PLAGL1: variants seen among roughly 807,000 people sequenced by gnomAD.
The protein encoded by PLAGL1 is PLAG1 like zinc finger 1.
A neutral mutation model predicts 4.6 loss-of-function variants in PLAGL1; 1 was observed. The ratio of observed to expected loss-of-function variants is 0.22; its 90% CI spans 0.08 to 1.03. The LOEUF (loss-of-function observed/expected upper bound fraction) is 1.03. Among genes scored for constraint, PLAGL1 ranks in the 50% least tolerant of loss-of-function variants. The probability of loss-of-function intolerance (pLI) is 0.58; values close to 1 mark genes in which losing one functional copy is unlikely to be tolerated. For missense variants in PLAGL1, 464 were observed against 570.4 expected, an observed-to-expected ratio of 0.81 and a Z score of 1.90; for synonymous variants, 240 against 237.8, an observed-to-expected ratio of 1.01 and a Z score of -0.08.
At position 143,940,329 on chromosome 6, in the gene PLAGL1, A is replaced by G. The variant is rs1778320917; in HGVS notation, c.*1095T>C. The G allele has an allele frequency of 6.6e-6, 1 of 152,232 alleles. No individual in the cohort carries two copies. The highest frequency in any genetic ancestry group is 2.4e-5 in the African/African-American group (1 of 41,458). The allele number at this position is 152,232 out of a possible 1,614,324, so 9.4% of individuals were successfully genotyped here. On this transcript the variant is annotated 3_prime_UTR_variant, in exon 8 of 8. Transcript: ENST00000674357. ...AAGATTTGAAAAGTTTATTATATGT[A>G]AGATATATGTTTACGGAAAAGCCTC... is the stretch of plus-strand genomic sequence containing the variant.
intron 1 of PLAGL1, among the ~76,000 whole-genome samples, chr6:143,992,371 G>T (rs142225392): frequency 6.6e-6 from 1 of 152,162 alleles, no homozygotes; most frequent in African/African-American, 2.4e-5. Flanking sequence ...GTCCACAGTG[G>T]ATGTTTATTG....
In PLAGL1 at chr6:143,990,366, G is replaced by C. The variant is rs901920535; in HGVS notation, c.-583-5192C>G. On this transcript the variant is annotated intron_variant, in intron 1 of 7. Transcript: ENST00000674357. This position sits in a 1 kb window ranked among gnomAD's most constrained non-coding sequence, Gnocchi z 5.4. ...CATCCCCTGACCTCGGGATCCGCCC[G>C]CCTTGGCCTCCCAAAGTGCAGGGAT... is the stretch of plus-strand genomic sequence containing the variant. 6.6e-6 allele frequency among the ~76,000 whole-genome samples: 1 copy of C among 152,106 alleles called. No homozygotes were observed. The highest frequency in any genetic ancestry group is 1.5e-5 in the Non-Finnish European group (1 of 68,010).
At position 144,005,956 on chromosome 6, in the gene PLAGL1, T is replaced by G. The variant is rs1021989886; in HGVS notation, c.-584+2134A>C. The stretch of plus-strand genomic sequence containing the variant: ...TATATACTTTTTAGTATTTCGTTTT[T>G]CATAACAAAATTTGATTTTAGCTAA... On this transcript the variant is annotated intron_variant, in intron 1 of 7. Transcript: ENST00000674357. This position sits in a 1 kb window ranked among gnomAD's most constrained non-coding sequence, Gnocchi z 4.6. The G allele has an allele frequency of 2.0e-5, 3 of 152,134 alleles. No homozygotes were observed. The highest frequency in any genetic ancestry group is 1.3e-4 in the Admixed American group (2 of 15,268). 9.4% of individuals were successfully genotyped at this position (152,134 alleles called of 1,614,324 possible).
rs1030945607 is a variant in PLAGL1, at chr6:143,965,998, T to C, written c.-431+160A>G. 2.0e-5 allele frequency: 3 copies of C among 152,174 alleles called. No individual in the cohort carries two copies. The highest frequency in any genetic ancestry group is 7.2e-5 in the African/African-American group (3 of 41,428). 9.4% of individuals were successfully genotyped at this position (152,174 alleles called of 1,614,324 possible). A position where few individuals can be genotyped will look rare whatever the true frequency, so the allele number is the denominator to read the frequency against. ...GCTTCCTTTAAACAAACCACAAGCT[T>C]AGTGAGTCAGTTAGGTCAGTGTAGA... is the stretch of plus-strand genomic sequence containing the variant. On this transcript the variant is annotated intron_variant, in intron 4 of 7. Transcript: ENST00000674357. The surrounding 1 kb of genome is among the most constrained non-coding windows in gnomAD (Gnocchi z 7.5).
At chr6:144,017,197 G>A (rs1214983373) in intron 1 of PLAGL1, among the ~76,000 whole-genome samples, 2 of 152,120 alleles carry the variant, frequency 1.3e-5, no homozygotes, top group Admixed American at 1.3e-4. Flanking sequence ...GTATACATAT[G>A]TAGTTTTTTT....
rs1799019056 is a variant in PLAGL1 at position 144,056,972 on chromosome 6, T to C, written c.-151+7496A>G. Among the ~76,000 whole-genome samples, 2 of 152,248 alleles carry C rather than the reference T, an allele frequency of 1.3e-5. No homozygotes were observed. Among genetic ancestry groups the C allele is most frequent in the Admixed American group, 1.3e-4 (2 of 15,284 alleles). Reference sequence around the variant, plus strand: ...CTCATTTCTTTTTAGTGCTAAATAATGTCCCATTGGCTGGATGAACCACAG... The same window carrying C: ...CTCATTTCTTTTTAGTGCTAAATAACGTCCCATTGGCTGGATGAACCACAG... On this transcript the variant is annotated intron_variant, in intron 1 of 3. Transcript: ENST00000437412. The surrounding 1 kb of genome is among the most constrained non-coding windows in gnomAD (Gnocchi z 4.7).
At position 143,995,659 on chromosome 6, in the gene PLAGL1, T is replaced by C. The variant is rs1398164008; in HGVS notation, c.-583-10485A>G. On this transcript the variant is annotated intron_variant, in intron 1 of 7. Coordinates refer to ENST00000674357, the MANE Select transcript of PLAGL1 (RefSeq NM_001317162.2). This position sits in a 1 kb window ranked among gnomAD's most constrained non-coding sequence, Gnocchi z 4.4. ...TTAAAATTCAAACACTATTATGATATATATGCTTATATAAAATGTTTCAAA... is the reference window on the plus strand; with the variant it reads ...TTAAAATTCAAACACTATTATGATACATATGCTTATATAAAATGTTTCAAA... Among the ~76,000 whole-genome samples the C allele has an allele frequency of 6.6e-6, 1 of 152,196 alleles. No individual in the cohort carries two copies. Among genetic ancestry groups the C allele is most frequent in the South Asian group, 2.1e-4 (1 of 4,832 alleles).
At chr6:143,986,833 C>T (rs528877834) in intron 1 of PLAGL1, among the ~76,000 whole-genome samples, 2 of 152,078 alleles carry the variant, frequency 1.3e-5, no homozygotes, top group Non-Finnish European at 2.9e-5. Context: ...AATACCCTGG[C>T]GAGGCTTTCT....
intron 1 of PLAGL1, among the ~76,000 whole-genome samples, chr6:144,029,544 TAA>T (rs1156839035): frequency 2.0e-5 from 3 of 152,232 alleles, no homozygotes; most frequent in African/African-American, 7.2e-5. Flanking sequence ...TTAAGTCTAT[TAA>T]AAGATACTCC....
At chr6:144,012,783 T>C (rs1202919880), upstream of PLAGL1, among the ~76,000 whole-genome samples, 1 of 152,178 alleles carries the variant, frequency 6.6e-6, no homozygotes, top group Non-Finnish European at 1.5e-5. This position sits in a 1 kb window ranked among gnomAD's most constrained non-coding sequence, Gnocchi z 4.8. Context: ...CTAGCAAAGC[T>C]TCTGGAGCAG....
rs1345913956 is a variant in PLAGL1, at chr6:144,006,455, A to G, written c.-584+1635T>C. On this transcript the variant is annotated intron_variant, in intron 1 of 7. Transcript: ENST00000674357. This position sits in a 1 kb window ranked among gnomAD's most constrained non-coding sequence, Gnocchi z 4.3. ...CTCTCCTCCCCACTAGGAGATGACC[A>G]TTAGCTTGACTTTTTTTCTTTACTA... The G allele has an allele frequency of 6.6e-6, 1 of 152,194 alleles. No individual in the cohort carries two copies. The highest frequency in any genetic ancestry group is 1.5e-5 in the Non-Finnish European group (1 of 68,068). The allele number at this position is 152,194 out of a possible 1,614,324, so 9.4% of individuals were successfully genotyped here.
rs1441121040 is a variant in PLAGL1 at position 143,953,385 on chromosome 6, ACTTT to A, written c.-324-4929_-324-4926del. Among the ~76,000 whole-genome samples the A allele has an allele frequency of 1.3e-5, 2 of 152,246 alleles. No individual in the cohort carries two copies. Among genetic ancestry groups the A allele is most frequent in the Non-Finnish European group, 2.9e-5 (2 of 68,044 alleles). ...TTGTTAACCCAGTGACTAAGCTCTTACTTTCTAAGAAATGAGGCTTAAGATAAAC... is the reference window on the plus strand; with the variant it reads ...TTGTTAACCCAGTGACTAAGCTCTTACTAAGAAATGAGGCTTAAGATAAAC... On this transcript the variant is annotated intron_variant, in intron 6 of 7. Coordinates refer to ENST00000674357, the MANE Select transcript of PLAGL1 (RefSeq NM_001317162.2). The surrounding 1 kb of genome is among the most constrained non-coding windows in gnomAD (Gnocchi z 5.3).
chr6:143,977,351 T>C (rs1786824843), intron 2 of PLAGL1, among the ~76,000 whole-genome samples: 1 of 152,148 alleles, frequency 6.6e-6, no homozygotes, highest in Non-Finnish European at 1.5e-5. Flanking sequence ...AATTATATAG[T>C]ATGCAGCCTT....
chr6:144,021,531 G>T (rs974614618), intron 1 of PLAGL1, among the ~76,000 whole-genome samples: 1 of 152,128 alleles, frequency 6.6e-6, no homozygotes, highest in Non-Finnish European at 1.5e-5. Context: ...ATAACTACAT[G>T]GAGGAAGGAT....
intron 6 of PLAGL1, among the ~76,000 whole-genome samples, chr6:143,951,624 A>G (rs530296036): frequency 1.3e-5 from 2 of 152,394 alleles, no homozygotes; most frequent in Admixed American, 1.3e-4. Flanking sequence ...AAAGGCCAGC[A>G]GTCATGGACA....
Position 143,941,763 on chromosome 6 carries a change from C to G in PLAGL1, c.1053G>C (p.Leu351=). Residue 351 remains leucine, a synonymous_variant, in exon 8 of 8, where the codon CTG becomes CTC. Coordinates refer to ENST00000674357, the MANE Select transcript of PLAGL1 (RefSeq NM_001317162.2). The surrounding 1 kb of genome is among the most constrained non-coding windows in gnomAD (Gnocchi z 6.0). ...SPQKLNPGFD[L]AKGNAGKVNL... ...TTACTTTACCAGCATTTCCCTTAGC[C>G]AGATCAAAACCTGGGTTGAGCTTTT... 1 of 1,614,246 alleles carries G rather than the reference C, an allele frequency of 6.2e-7. No individual in the cohort carries two copies. Among genetic ancestry groups the G allele is most frequent in the South Asian group, 1.1e-5 (1 of 91,092 alleles).
Position 143,957,264 on chromosome 6 carries a change from G to C in PLAGL1, c.-325+3205C>G, listed in dbSNP as rs1428748486. ...GAGATGGGACTGCCTTGTTTGAAGAGGACTATTTATGAATGAAGACTCTCA... is the reference window on the plus strand; with the variant it reads ...GAGATGGGACTGCCTTGTTTGAAGACGACTATTTATGAATGAAGACTCTCA... On this transcript the variant is annotated intron_variant, in intron 6 of 7. Transcript: ENST00000674357. The surrounding 1 kb of genome is among the most constrained non-coding windows in gnomAD (Gnocchi z 4.2). Among the ~76,000 whole-genome samples the C allele has an allele frequency of 6.6e-6, 1 of 152,102 alleles. No individual in the cohort carries two copies. The highest frequency in any genetic ancestry group is 2.4e-5 in the African/African-American group (1 of 41,398).
chr6:144,010,995 A>G (rs1211099634), upstream of PLAGL1, among the ~76,000 whole-genome samples: 1 of 152,240 alleles, frequency 6.6e-6, no homozygotes, highest in East Asian at 1.9e-4. This position sits in a 1 kb window ranked among gnomAD's most constrained non-coding sequence, Gnocchi z 4.1. Flanking sequence ...ACCTAAAACC[A>G]TAAAAAGCCT....
chr6:143,985,897 ATGTG>A lies in PLAGL1; in HGVS notation c.-583-727_-583-724del, dbSNP rs55710387. 2.1e-5 allele frequency among the ~76,000 whole-genome samples: 3 copies of A among 140,042 alleles called. No homozygotes were observed. The highest frequency in any genetic ancestry group is 7.2e-5 in the Admixed American group (1 of 13,870). The allele number at this position is 140,042 out of a possible 152,430, so 91.9% of individuals were successfully genotyped here. On this transcript the variant is annotated intron_variant, in intron 1 of 7. Coordinates refer to ENST00000674357, the MANE Select transcript of PLAGL1 (RefSeq NM_001317162.2). This position sits in a 1 kb window ranked among gnomAD's most constrained non-coding sequence, Gnocchi z 4.4. ...GCCAAGCTACATATTATATATTATT[ATGTG>A]TGTGTGTGTGTGTGTGTATACACAC... is the stretch of plus-strand genomic sequence containing the variant.
Sources: gnomAD v4.1 joint callset for allele counts (sites outside exome capture counted in the v4.1 genomes callset) on GRCh38, gnomAD v4.1.1 for gene constraint, Gnocchi (gnomAD v3.1) non-coding constraint, MANE v1.5 for transcripts, NCBI Gene and HGNC (gene_info 2026-07-23, HGNC 2026-07-21) for gene names.